Variants in CREB3L2 observed in about 807,000 individuals in gnomAD.
CREB3L2 encodes the protein cyclic AMP-responsive element-binding protein 3-like protein 2.
Under a neutral mutation model 57.2 loss-of-function variants are expected in CREB3L2, and 23 were observed. The observed-to-expected ratio is 0.40, with a 90% CI of 0.29 to 0.57. The LOEUF is 0.57. CREB3L2 is among the 20% of genes least tolerant of loss of function. The pLI, the probability that CREB3L2 is intolerant of heterozygous loss-of-function variation, is 0.42. For synonymous variants in CREB3L2, 268 were observed against 265.1 expected (o/e 1.01, Z -0.11); for missense variants, 628 against 634.7 (o/e 0.99, Z 0.11).
chr7:137,955,220 A>G (rs1488313020), intron 1 of CREB3L2: 4 of 1,192,098 alleles, frequency 3.4e-6, no homozygotes, highest in Admixed American at 2.3e-5. Flanking sequence ...TCCATCTTCA[A>G]TGAGTACAGT....
At chr7:137,898,990 G>C (rs1040999071) in intron 8 of CREB3L2, among the ~76,000 whole-genome samples, 1 of 122,098 alleles carries the variant, frequency 8.2e-6, no homozygotes, top group Non-Finnish European at 1.6e-5. Flanking sequence ...GAAGGAAGGA[G>C]GGAGAAAGGA....
Position 137,876,561 on chromosome 7 carries a change from C to G in CREB3L2, c.*3915G>C, listed in dbSNP as rs1413328054. 1 of 233,030 alleles carries G rather than the reference C, an allele frequency of 4.3e-6. No individual in the cohort carries two copies. Among genetic ancestry groups the G allele is most frequent in the African/African-American group, 2.2e-5 (1 of 45,300 alleles). The allele number at this position is 233,030 out of a possible 1,614,324, so 14.4% of individuals were successfully genotyped here. The stretch of plus-strand genomic sequence containing the variant: ...TGAACGAAACATCTAAGTCTTGTCT[C>G]TGGATCCTTCACAGCCCTCACGTCA... On this transcript the variant is annotated 3_prime_UTR_variant, in exon 12 of 12. Coordinates refer to ENST00000330387, the MANE Select transcript of CREB3L2 (RefSeq NM_194071.4).
At chr7:137,965,067 A>G (rs1483633344) in intron 1 of CREB3L2, among the ~76,000 whole-genome samples, 2 of 152,218 alleles carry the variant, frequency 1.3e-5, no homozygotes, top group African/African-American at 4.8e-5. Context: ...GACTAATACA[A>G]GTAGTGACCA....
intron 2 of CREB3L2, chr7:137,922,451 T>C (rs866122590): frequency 0.023 from 2,375 of 101,724 alleles, 148 homozygotes; most frequent in African/African-American, 0.1. Context: ...TATATATATA[T>C]ATACACACAT....
chr7:137,975,165 T>C (rs1485674002), intron 1 of CREB3L2, among the ~76,000 whole-genome samples: 7 of 152,222 alleles, frequency 4.6e-5, no homozygotes, highest in African/African-American at 1.7e-4. Context: ...TGGAAATTAA[T>C]ATTTCTCTGA....
intron 1 of CREB3L2, among the ~76,000 whole-genome samples, chr7:137,958,586 G>C (rs1372255928): frequency 6.6e-6 from 1 of 152,206 alleles, no homozygotes; most frequent in Non-Finnish European, 1.5e-5. Context: ...TGAGTGATAA[G>C]AGTTTTAAAA....
chr7:137,994,487 T>G (rs771094054), intron 1 of CREB3L2, among the ~76,000 whole-genome samples: 1 of 152,166 alleles, frequency 6.6e-6, no homozygotes, highest in Non-Finnish European at 1.5e-5. Flanking sequence ...AGAGTCCAGA[T>G]AATACAGTTA....
chr7:137,901,421 C>G lies in CREB3L2; in HGVS notation c.976G>C (p.Val326Leu). The G allele has an allele frequency of 4.4e-6, 7 of 1,599,692 alleles. No individual in the cohort carries two copies. Among genetic ancestry groups the G allele is most frequent in the Non-Finnish European group, 6.0e-6 (7 of 1,167,224 alleles). Residue 326 changes from valine to leucine, a missense_variant and splice_region_variant, in exon 8 of 12, where the codon GTG becomes CTG. This residue lies in a region of CREB3L2 where 272 missense variants were observed against 242.7 expected (regional missense o/e 1.12). Transcript: ENST00000330387. ...KEYMDSLEKK[V>L]ESCSTENLEL... is the part of the protein sequence containing the mutation. ...AAGTTCTCAGTTGAACAAGACTCCA[C>G]TCTACAAAGGAGGGAGAAAGAAGAA...
In CREB3L2 at chr7:138,001,788, C is replaced by T. The variant is rs1585688473; in HGVS notation, c.-83G>A. On this transcript the variant is annotated 5_prime_UTR_variant, in exon 1 of 12. Transcript: ENST00000330387. This position sits in a 1 kb window ranked among gnomAD's most constrained non-coding sequence, Gnocchi z 4.2. ...TGCCTCGGACCGGCAAGGTTCCTCT[C>T]TCTCCGCGTGTGCTTGCGTGTGTGC... is the stretch of plus-strand genomic sequence containing the variant. The T allele has an allele frequency of 3.2e-5, 33 of 1,019,310 alleles. No individual in the cohort carries two copies. In the East Asian group the frequency reaches 9.2e-4, roughly 28 times the overall value. The allele number at this position is 1,019,310 out of a possible 1,614,324, so 63.1% of individuals were successfully genotyped here. A position where few individuals can be genotyped will look rare whatever the true frequency, so the allele number is the denominator to read the frequency against.
intron 8 of CREB3L2, among the ~76,000 whole-genome samples, chr7:137,891,782 T>C (rs1799532547): frequency 6.6e-6 from 1 of 152,164 alleles, no homozygotes; most frequent in Non-Finnish European, 1.5e-5. Context: ...TTTCACCATG[T>C]TGGTCAGGCT....
intron 6 of CREB3L2, 81 bp from the exon 7 acceptor site, chr7:137,904,098 G>T: frequency 8.5e-7 from 1 of 1,177,308 alleles, no homozygotes; most frequent in South Asian, 1.2e-5. Flanking sequence ...GGTTAGCGTA[G>T]AAGTCACCAA....
At position 137,882,559 on chromosome 7, in the gene CREB3L2, G is replaced by A. The variant is rs1799320014; in HGVS notation, c.1340C>T (p.Ala447Val). The change falls in exon 11 of 12, where the codon GCT (alanine) becomes GTT (valine). Residue 447 changes from alanine to valine, a missense_variant. Ala to Val is a moderately conservative substitution (Grantham distance 64). Coordinates refer to ENST00000330387, the MANE Select transcript of CREB3L2 (RefSeq NM_194071.4). ...TCTATCCCAGCCCCCCAGCTCCCCAGCCGAGCCCGGGCTGGATGACTCCTC... is the reference window on the plus strand; with the variant it reads ...TCTATCCCAGCCCCCCAGCTCCCCAACCGAGCCCGGGCTGGATGACTCCTC... ...PPEESSSPGS[A>V]GELGGWDRGS... 6.2e-7 allele frequency: 1 copy of A among 1,613,652 alleles called. No individual in the cohort carries two copies. The highest frequency in any genetic ancestry group is 8.5e-7 in the Non-Finnish European group (1 of 1,179,662).
intron 2 of CREB3L2, among the ~76,000 whole-genome samples, chr7:137,923,248 G>T (rs1158977952): frequency 6.6e-6 from 1 of 152,154 alleles, no homozygotes; most frequent in Non-Finnish European, 1.5e-5. Flanking sequence ...CAATGGCTAC[G>T]CAGAGAAGTC....
At chr7:137,971,714 A>G (rs1017629038) in intron 1 of CREB3L2, among the ~76,000 whole-genome samples, 1 of 152,008 alleles carries the variant, frequency 6.6e-6, no homozygotes, top group Non-Finnish European at 1.5e-5. Context: ...TTTCTAATGT[A>G]TATTCTTGCT....
At chr7:137,897,012 A>G (rs1186186028) in intron 8 of CREB3L2, among the ~76,000 whole-genome samples, 1 of 152,214 alleles carries the variant, frequency 6.6e-6, no homozygotes, top group Non-Finnish European at 1.5e-5. Flanking sequence ...AGGTAAATAC[A>G]TTCTGAGGAT....
At chr7:137,966,275 T>C (rs1349915138) in intron 1 of CREB3L2, among the ~76,000 whole-genome samples, 18 of 152,232 alleles carry the variant, frequency 1.2e-4, no homozygotes, top group Admixed American at 1.1e-3. Context: ...ATTTGTAAAA[T>C]AGATTATATG....
At chr7:137,991,931 T>C (rs1801906866) in intron 1 of CREB3L2, among the ~76,000 whole-genome samples, 1 of 150,430 alleles carries the variant, frequency 6.6e-6, no homozygotes, top group Non-Finnish European at 1.5e-5. Context: ...AGCTTTATCC[T>C]CCAAAGAAAA....
At chr7:137,928,905 C>T (rs73729525) in intron 1 of CREB3L2, among the ~76,000 whole-genome samples, 4,187 of 152,218 alleles carry the variant, frequency 0.028, 154 homozygotes, top group African/African-American at 0.082. Context: ...ACAATGCAGA[C>T]GAGTGTGGAC....
At chr7:137,956,439 C>A (rs1801212398) in intron 1 of CREB3L2, 2 of 375,112 alleles carry the variant, frequency 5.3e-6, no homozygotes, top group Admixed American at 6.7e-5. Context: ...GGGTTTCCTC[C>A]CCAGTGCAAG....
Sources: gnomAD v4.1 joint callset for allele counts (sites outside exome capture counted in the v4.1 genomes callset) on GRCh38, gnomAD v4.1.1 for gene constraint, gnomAD v4.1.1 regional missense constraint, Gnocchi (gnomAD v3.1) non-coding constraint, MANE v1.5 for transcripts, NCBI Gene and HGNC (gene_info 2026-07-23, HGNC 2026-07-21) for gene names.